DOCK1: variants seen among roughly 807,000 people sequenced by gnomAD.
DOCK1 encodes dedicator of cytokinesis protein 1.
Under a neutral mutation model 262.7 loss-of-function variants are expected in DOCK1, and 138 were observed. The observed-to-expected ratio is 0.53, with a 90% CI of 0.46 to 0.61. The LOEUF (loss-of-function observed/expected upper bound fraction) is 0.61. Among genes scored for constraint, DOCK1 ranks in the 20% least tolerant of loss-of-function variants. The pLI is 0.00. For missense variants in DOCK1, 1,908 were observed against 2,370.7 expected (o/e 0.80, Z 4.05); for synonymous variants, 866 against 867.4 (o/e 1.00, Z 0.03).
chr10:127,091,185 A>G (rs544143014), intron 23 of DOCK1, among the ~76,000 whole-genome samples: 3 of 152,082 alleles, frequency 2.0e-5, no homozygotes, highest in Non-Finnish European at 4.4e-5. Flanking sequence ...GGGTTTCACC[A>G]TGTTAGCCAG....
At chr10:127,130,599 G>C (rs962975161) in intron 27 of DOCK1, among the ~76,000 whole-genome samples, 2 of 152,190 alleles carry the variant, frequency 1.3e-5, no homozygotes, top group Non-Finnish European at 2.9e-5. Context: ...TGTGGTCCAG[G>C]ATGTCTTTGA....
intron 21 of DOCK1, among the ~76,000 whole-genome samples, chr10:127,049,416 G>A (rs575635904): frequency 2.0e-5 from 3 of 152,250 alleles, no homozygotes; most frequent in East Asian, 3.9e-4. Context: ...AGCTACTTGG[G>A]AGGCTGAGGC....
intron 29 of DOCK1, among the ~76,000 whole-genome samples, chr10:127,264,113 G>T (rs117739553): frequency 3.3e-5 from 5 of 152,172 alleles, no homozygotes; most frequent in African/African-American, 1.2e-4. Context: ...TTTCTTGTTC[G>T]TATTGACTAC....
Position 127,312,267 on chromosome 10 carries a change from A to G in DOCK1, c.3045-26739A>G, listed in dbSNP as rs150752484. Among the ~76,000 whole-genome samples the G allele has an allele frequency of 2.5e-3, 382 of 152,312 alleles. 6 individuals carry two copies. Among genetic ancestry groups the G allele is most frequent in the African/African-American group, 8.8e-3 (365 of 41,570 alleles). On this transcript the variant is annotated intron_variant, in intron 29 of 51. Transcript: ENST00000623213. Reference sequence around the variant, plus strand: ...CCAGCACTCTTGAGAGGCAGTGTCCATAGAAATAGCGGTGATGATCACCAG... The same window carrying G: ...CCAGCACTCTTGAGAGGCAGTGTCCGTAGAAATAGCGGTGATGATCACCAG...
chr10:127,354,675 A>T lies in DOCK1; in HGVS notation c.3231A>T (p.Gly1077=). 1.2e-6 allele frequency: 2 copies of T among 1,613,732 alleles called. No individual in the cohort carries two copies. Among genetic ancestry groups the T allele is most frequent in the Non-Finnish European group, 1.7e-6 (2 of 1,179,778 alleles). ...AKRAKILNKY[G]DMRRQIGFEI... ...TCTTTTCCCTGATTTCCAGGTACGG[A>T]GATATGAGGAGACAGATTGGCTTTG... Residue 1077 remains glycine (G), a synonymous_variant, in exon 32 of 52, where the codon GGA becomes GGT. Coordinates refer to ENST00000623213, the MANE Select transcript of DOCK1 (RefSeq NM_001290223.2).
chr10:126,984,535 GT>G (rs1185507800), intron 4 of DOCK1, among the ~76,000 whole-genome samples: 270 of 141,678 alleles, frequency 1.9e-3, no homozygotes, highest in Middle Eastern at 7.6e-3. Flanking sequence ...GTGTGTGTGT[GT>G]TTTTTTTTTT....
intron 27 of DOCK1, among the ~76,000 whole-genome samples, chr10:127,139,064 A>G (rs141518912): frequency 3.3e-5 from 5 of 152,178 alleles, no homozygotes; most frequent in Non-Finnish European, 5.9e-5. Flanking sequence ...CCTTGGGAGG[A>G]TTCCGCTCTG....
intron 29 of DOCK1, 66 bp downstream of exon 29, chr10:127,257,495 GGTGTTGCCTGGAGAC>G: frequency 1.4e-6 from 2 of 1,421,370 alleles, no homozygotes; most frequent in Non-Finnish European, 9.7e-7. Flanking sequence ...TGGGAACAGT[GGTGTTGCCTGGAGAC>G]CAAGCTGGCT....
chr10:127,411,071 T>C, intron 43 of DOCK1, 147 bp downstream of exon 43: 1 of 788,384 alleles, frequency 1.3e-6, no homozygotes, highest in Non-Finnish European at 2.0e-6. Context: ...TCTTAATCTA[T>C]TACCCCCTCC....
chr10:127,181,866 C>T (rs2055767976), intron 27 of DOCK1, among the ~76,000 whole-genome samples: 1 of 152,212 alleles, frequency 6.6e-6, no homozygotes. Context: ...ACTGGAAGTC[C>T]TCTTTTCCTT....
chr10:127,065,469 A>G (rs2045807948), intron 23 of DOCK1, among the ~76,000 whole-genome samples: 1 of 152,026 alleles, frequency 6.6e-6, no homozygotes, highest in Admixed American at 6.6e-5. Context: ...GCCTGTTCCC[A>G]CCTCATGGTG....
At chr10:127,043,252 C>A in intron 21 of DOCK1, 88 bp downstream of exon 21, 3 of 1,057,264 alleles carry the variant, frequency 2.8e-6, no homozygotes, top group Non-Finnish European at 4.2e-6. Flanking sequence ...TTGTCTATGA[C>A]TGTGTATTTA....
At position 127,026,562 on chromosome 10, in the gene DOCK1, G is replaced by A. The variant is rs189427780; in HGVS notation, c.1624+138G>A. The A allele has an allele frequency of 3.3e-4, 254 of 779,890 alleles. No homozygotes were observed. The African/African-American group carries it at 4.2e-3, about 13-fold the overall frequency. 48.3% of individuals were successfully genotyped at this position (779,890 alleles called of 1,614,324 possible). On this transcript the variant is annotated intron_variant, in intron 16 of 51. Coordinates refer to ENST00000623213, the MANE Select transcript of DOCK1 (RefSeq NM_001290223.2). Reference sequence around the variant, plus strand: ...CATTTCCCACCGGAACCTATTCCTTGGAAACATTCTTCTCTCTTTTCCTTG... The same window carrying A: ...CATTTCCCACCGGAACCTATTCCTTAGAAACATTCTTCTCTCTTTTCCTTG...
intron 27 of DOCK1, among the ~76,000 whole-genome samples, chr10:127,159,018 C>T (rs1157053778): frequency 6.6e-6 from 1 of 152,104 alleles, no homozygotes; most frequent in Non-Finnish European, 1.5e-5. Flanking sequence ...TTTGAACACT[C>T]CTTGGTCAAG....
chr10:127,309,468 C>G (rs1210016742), intron 29 of DOCK1, among the ~76,000 whole-genome samples: 1 of 152,076 alleles, frequency 6.6e-6, no homozygotes, highest in Non-Finnish European at 1.5e-5. Flanking sequence ...CAATTTTTTG[C>G]TTTTGTTGCA....
At chr10:127,081,679 G>A (rs959719181) in intron 23 of DOCK1, among the ~76,000 whole-genome samples, 1 of 152,154 alleles carries the variant, frequency 6.6e-6, no homozygotes, top group African/African-American at 2.4e-5. Flanking sequence ...AAGGCTAGGG[G>A]AAAATGCCTG....
intron 21 of DOCK1, among the ~76,000 whole-genome samples, chr10:127,043,985 A>G (rs1022516512): frequency 2.0e-5 from 3 of 152,022 alleles, no homozygotes; most frequent in African/African-American, 7.2e-5. Flanking sequence ...TTTCATTATC[A>G]TTAGATTTAT....
chr10:127,357,269 A>G (rs2064192915), intron 32 of DOCK1, among the ~76,000 whole-genome samples: 1 of 152,184 alleles, frequency 6.6e-6, no homozygotes, highest in Non-Finnish European at 1.5e-5. Context: ...TTTGTTTGCA[A>G]GTATAGTTAA....
intron 1 of DOCK1, among the ~76,000 whole-genome samples, chr10:126,932,738 G>T (rs2034278276): frequency 6.6e-6 from 1 of 152,220 alleles, no homozygotes; most frequent in African/African-American, 2.4e-5. Flanking sequence ...TGGGCGCACT[G>T]GGCCACTGGC....
Sources: gnomAD v4.1 joint callset for allele counts (sites outside exome capture counted in the v4.1 genomes callset) on GRCh38, gnomAD v4.1.1 for gene constraint, MANE v1.5 for transcripts, NCBI Gene and HGNC (gene_info 2026-07-23, HGNC 2026-07-21) for gene names.